Variants in DUSP10 observed in about 807,000 individuals in gnomAD.
DUSP10 encodes the protein dual specificity protein phosphatase 10.
Under a neutral mutation model 30.8 loss-of-function variants are expected in DUSP10, and 14 were observed. That is an observed-to-expected ratio of 0.46 (90% confidence interval 0.30 to 0.71). The LOEUF (loss-of-function observed/expected upper bound fraction) is 0.71. Ranked by LOEUF, DUSP10 falls within the 30% of genes least tolerant of loss-of-function variation. The probability of loss-of-function intolerance (pLI) is 0.08; values close to 1 mark genes in which losing one functional copy is unlikely to be tolerated. For synonymous variants in DUSP10, 254 were observed against 250.4 expected, an observed-to-expected ratio of 1.01 and a Z score of -0.14; for missense variants, 550 against 619.4, an observed-to-expected ratio of 0.89 and a Z score of 1.19.
chr1:221,726,267 G>A (rs1661421216), intron 2 of DUSP10, among the ~76,000 whole-genome samples: 1 of 152,210 alleles, frequency 6.6e-6, no homozygotes, highest in African/African-American at 2.4e-5. Context: ...CAGTTGGGTG[G>A]GAAGGTGGAG....
chr1:221,705,952 C>T, intron 3 of DUSP10, 143 bp downstream of exon 3: 2 of 1,085,362 alleles, frequency 1.8e-6, no homozygotes, highest in Non-Finnish European at 2.7e-6. Flanking sequence ...AATGCTTAGG[C>T]TGTTTCAGGT....
At chr1:221,715,548 C>T (rs1045846694) in intron 2 of DUSP10, among the ~76,000 whole-genome samples, 3 of 152,206 alleles carry the variant, frequency 2.0e-5, no homozygotes, top group African/African-American at 7.2e-5. Flanking sequence ...AATGTTTGAG[C>T]TACCACAAGT....
At chr1:221,724,857 A>C (rs1201644512) in intron 2 of DUSP10, among the ~76,000 whole-genome samples, 1 of 152,224 alleles carries the variant, frequency 6.6e-6, no homozygotes, top group Non-Finnish European at 1.5e-5. Flanking sequence ...AAACACTTCA[A>C]CTTGGAGAAG....
intron 2 of DUSP10, among the ~76,000 whole-genome samples, chr1:221,714,806 C>T (rs1661050485): frequency 6.6e-6 from 1 of 152,128 alleles, no homozygotes; most frequent in Non-Finnish European, 1.5e-5. Flanking sequence ...TGGTGTGAGA[C>T]AACGAACCCC....
intron 2 of DUSP10, among the ~76,000 whole-genome samples, chr1:221,730,782 G>A (rs189097077): frequency 4.8e-4 from 73 of 151,962 alleles, no homozygotes; most frequent in Non-Finnish European, 8.5e-4. Flanking sequence ...GGTCTTGCTC[G>A]GGTGGGGGAC....
chr1:221,730,081 C>T (rs1008406847), intron 2 of DUSP10, among the ~76,000 whole-genome samples: 1 of 152,130 alleles, frequency 6.6e-6, no homozygotes, highest in Non-Finnish European at 1.5e-5. Flanking sequence ...CCCCACCCCT[C>T]CTCTTTCTCC....
At chr1:221,733,403 A>G in intron 2 of DUSP10, among the ~76,000 whole-genome samples, 1 of 152,210 alleles carries the variant, frequency 6.6e-6, no homozygotes, top group East Asian at 1.9e-4. Context: ...ATGTGAAATC[A>G]TGTCTCCTAT....
intron 2 of DUSP10, among the ~76,000 whole-genome samples, chr1:221,716,661 A>G (rs1016461912): frequency 1.3e-5 from 2 of 152,238 alleles, no homozygotes; most frequent in Non-Finnish European, 2.9e-5. Context: ...GTGAATGGCT[A>G]AGAAGGGTGC....
intron 1 of DUSP10, among the ~76,000 whole-genome samples, chr1:221,740,716 A>G (rs916242065): frequency 6.6e-6 from 1 of 152,196 alleles, no homozygotes; most frequent in Admixed American, 6.5e-5. Context: ...TTTCAATCCC[A>G]TACAGATATC....
intron 2 of DUSP10, among the ~76,000 whole-genome samples, chr1:221,719,983 G>A (rs1257432928): frequency 6.6e-6 from 1 of 152,188 alleles, no homozygotes; most frequent in Non-Finnish European, 1.5e-5. Flanking sequence ...AAAATCAGCT[G>A]TCAGAGGTTG....
rs1011668439 is a variant in DUSP10, at chr1:221,701,568, T to C, written c.*844A>G. 1 of 146,230 alleles carries C rather than the reference T, an allele frequency of 6.8e-6. No individual in the cohort carries two copies. Among genetic ancestry groups the C allele is most frequent in the African/African-American group, 2.5e-5 (1 of 39,484 alleles). 9.1% of individuals were successfully genotyped at this position (146,230 alleles called of 1,614,324 possible). ...ACATATGTAACAAGGTTTATGGCACTGTAACCAGAATCAAATCAGAAAAAA... is the reference window on the plus strand; with the variant it reads ...ACATATGTAACAAGGTTTATGGCACCGTAACCAGAATCAAATCAGAAAAAA... On this transcript the variant is annotated 3_prime_UTR_variant, in exon 4 of 4. Transcript: ENST00000366899.
intron 2 of DUSP10, among the ~76,000 whole-genome samples, chr1:221,731,401 T>A (rs749699231): frequency 6.6e-6 from 1 of 150,546 alleles, no homozygotes; most frequent in Non-Finnish European, 1.5e-5. Flanking sequence ...ATCATCAACA[T>A]GTACAAAATT....
chr1:221,716,804 C>T (rs1661119773), intron 2 of DUSP10, among the ~76,000 whole-genome samples: 1 of 152,212 alleles, frequency 6.6e-6, no homozygotes, highest in Non-Finnish European at 1.5e-5. Flanking sequence ...CCTATGTTAG[C>T]ACAGACCAAC....
intron 2 of DUSP10, among the ~76,000 whole-genome samples, chr1:221,736,612 A>C (rs921462039): frequency 6.6e-6 from 1 of 152,170 alleles, no homozygotes; most frequent in African/African-American, 2.4e-5. Flanking sequence ...TATGGTATTA[A>C]TCTCTGGTTT....
chr1:221,726,671 CAT>C (rs1019567244), intron 2 of DUSP10, among the ~76,000 whole-genome samples: 1 of 139,864 alleles, frequency 7.1e-6, no homozygotes, highest in Non-Finnish European at 1.5e-5. Flanking sequence ...ATAGAAATAG[CAT>C]ATAATTTTTC....
Position 221,739,112 on chromosome 1 carries a change from A to C in DUSP10, c.633T>G (p.Thr211=), listed in dbSNP as rs1395548354. The C allele has an allele frequency of 6.2e-7, 1 of 1,614,214 alleles. No individual in the cohort carries two copies. Among genetic ancestry groups the C allele is most frequent in the East Asian group, 2.2e-5 (1 of 44,888 alleles). Residue 211 remains threonine (T), a synonymous_variant, in exon 2 of 4, where the codon ACT becomes ACG. Transcript: ENST00000366899. ...SRRRLQQGKI[T]VLDLISCREG... is the part of the protein sequence containing the mutation. ...CCCTACAGGAAATCAAGTCTAGGACAGTGATCTTGCCCTGCTGCAGTCTCC... is the reference window on the plus strand; with the variant it reads ...CCCTACAGGAAATCAAGTCTAGGACCGTGATCTTGCCCTGCTGCAGTCTCC...
At position 221,707,620 on chromosome 1, in the gene DUSP10, T is replaced by C. The variant is rs187756542; in HGVS notation, c.812-1154A>G. On this transcript the variant is annotated intron_variant, in intron 2 of 3. Transcript: ENST00000366899. Reference sequence around the variant, plus strand: ...CTTAGGGAAATCATCTAACCAAAGATAGTTAGCTAGATATATGGAGATGTT... The same window carrying C: ...CTTAGGGAAATCATCTAACCAAAGACAGTTAGCTAGATATATGGAGATGTT... Among the ~76,000 whole-genome samples, 12 of 152,316 alleles carry C rather than the reference T, an allele frequency of 7.9e-5. No homozygotes were observed. In the South Asian group the frequency reaches 1.7e-3, roughly 21 times the overall value.
chr1:221,737,373 C>T, intron 2 of DUSP10: 1 of 985,400 alleles, frequency 1.0e-6, no homozygotes, highest in South Asian at 4.7e-5. Context: ...AGGATTTTCT[C>T]ATTTGTAAGA....
intron 2 of DUSP10, among the ~76,000 whole-genome samples, chr1:221,707,650 A>G (rs897817665): frequency 6.6e-6 from 1 of 152,234 alleles, no homozygotes; most frequent in African/African-American, 2.4e-5. Context: ...GATGTTCACT[A>G]CAATGTTATC....
Sources: allele counts gnomAD v4.1 joint callset (sites outside exome capture counted in the v4.1 genomes callset), GRCh38; gene constraint gnomAD v4.1.1; transcripts MANE v1.5; gene names NCBI Gene and HGNC (gene_info 2026-07-23, HGNC 2026-07-21).